AKAP6: variants seen among roughly 807,000 people sequenced by gnomAD.
AKAP6 encodes A-kinase anchor protein 6.
In AKAP6, 58 loss-of-function variants were observed where a neutral mutation model predicts 188.5. The observed-to-expected ratio is 0.31, with a 90% CI of 0.25 to 0.38. The LOEUF (loss-of-function observed/expected upper bound fraction) is 0.38, where lower values mean the gene tolerates loss of function less well. Among genes scored for constraint, AKAP6 ranks in the 10% least tolerant of loss-of-function variants. The pLI, the probability that AKAP6 is intolerant of heterozygous loss-of-function variation, is 1.00. For synonymous variants in AKAP6, 989 were observed against 998.6 expected, an observed-to-expected ratio of 0.99 and a Z score of 0.18; for missense variants, 2,710 against 2,740.0, an observed-to-expected ratio of 0.99 and a Z score of 0.24.
At chr14:32,786,251 T>C (rs2033398001) in intron 12 of AKAP6, among the ~76,000 whole-genome samples, 2 of 149,496 alleles carry the variant, frequency 1.3e-5, no homozygotes, top group Admixed American at 6.7e-5. Context: ...ATCTGTAAAA[T>C]ACTCATTTCA....
At chr14:32,525,199 A>G (rs541896267) in intron 2 of AKAP6, among the ~76,000 whole-genome samples, 1 of 152,216 alleles carries the variant, frequency 6.6e-6, no homozygotes, top group Non-Finnish European at 1.5e-5. Flanking sequence ...TTGCTTAGAA[A>G]AACAATTTCT....
At chr14:32,815,047 C>T (rs2034343449) in intron 12 of AKAP6, among the ~76,000 whole-genome samples, 1 of 152,208 alleles carries the variant, frequency 6.6e-6, no homozygotes, top group Admixed American at 6.5e-5. Flanking sequence ...TCCCTTTTGT[C>T]CCTGATCCCT....
At chr14:32,664,809 C>G (rs146088347) in intron 7 of AKAP6, among the ~76,000 whole-genome samples, 1 of 152,062 alleles carries the variant, frequency 6.6e-6, no homozygotes, top group African/African-American at 2.4e-5. Context: ...GTCTGAGATC[C>G]AGACCCCTAG....
At chr14:32,685,547 AC>A (rs1370720802) in intron 8 of AKAP6, among the ~76,000 whole-genome samples, 1 of 151,534 alleles carries the variant, frequency 6.6e-6, no homozygotes, top group Non-Finnish European at 1.5e-5. Context: ...ACATGGTGAA[AC>A]CCCATCTCTA....
At position 32,822,337 on chromosome 14, in the gene AKAP6, A is replaced by G. The variant is rs1296462518; in HGVS notation, c.4524A>G (p.Ser1508=). ...LLRGFYFDKK[S]CKSKHQTTEL... ...GTGGTTTTTATTTTGATAAAAAATC[A>G]TGCAAATCTAAACATCAGACTACAG... Residue 1508 remains serine, a synonymous_variant, in exon 13 of 14, where the codon TCA becomes TCG. Transcript: ENST00000280979. 4 of 1,613,990 alleles carry G rather than the reference A, an allele frequency of 2.5e-6. No individual in the cohort carries two copies. In the African/African-American group the frequency reaches 4.0e-5, roughly 16 times the overall value.
At chr14:32,486,509 T>A (rs1308247290) in intron 2 of AKAP6, among the ~76,000 whole-genome samples, 1 of 152,214 alleles carries the variant, frequency 6.6e-6, no homozygotes, top group Non-Finnish European at 1.5e-5. Flanking sequence ...TGGTTTGTAG[T>A]TCTCCTTGAA....
At chr14:32,591,900 A>T (rs1885503761) in intron 5 of AKAP6, among the ~76,000 whole-genome samples, 1 of 152,200 alleles carries the variant, frequency 6.6e-6, no homozygotes. Flanking sequence ...TAAGTACCAC[A>T]TGATGAGAGG....
At chr14:32,394,652 A>T (rs928808474) in intron 1 of AKAP6, among the ~76,000 whole-genome samples, 1 of 152,174 alleles carries the variant, frequency 6.6e-6, no homozygotes, top group African/African-American at 2.4e-5. Flanking sequence ...ACACTCATAC[A>T]GTTACTTCTG....
rs1349811144 is a variant in AKAP6, at chr14:32,829,875, C to A, written c.*70C>A. On this transcript the variant is annotated 3_prime_UTR_variant, in exon 14 of 14. Transcript: ENST00000280979. ...ACGCCTGGCTGCAACTCAGGGGTGG[C>A]CTCATCCTCCCGCCCTGGGCTGGCC... 1.4e-6 allele frequency: 1 copy of A among 702,412 alleles called. No individual in the cohort carries two copies. The highest frequency in any genetic ancestry group is 2.6e-6 in the Non-Finnish European group (1 of 384,620). The allele number at this position is 702,412 out of a possible 1,614,324, so 43.5% of individuals were successfully genotyped here.
At chr14:32,708,872 A>G (rs192869607) in intron 9 of AKAP6, among the ~76,000 whole-genome samples, 238 of 152,020 alleles carry the variant, frequency 1.6e-3, no homozygotes, top group African/African-American at 5.5e-3. Flanking sequence ...CATGATAAAC[A>G]TTCCTGTCTG....
At chr14:32,420,909 T>TTGTGTGTGTG (rs71432053) in intron 1 of AKAP6, among the ~76,000 whole-genome samples, 2,461 of 146,472 alleles carry the variant, frequency 0.017, 26 homozygotes, top group East Asian at 0.031. Flanking sequence ...GGAGATTGAT[T>TTGTGTGTGTG]TGTGTGTGTG....
intron 7 of AKAP6, among the ~76,000 whole-genome samples, chr14:32,642,970 A>G (rs1172022502): frequency 6.6e-6 from 1 of 152,180 alleles, no homozygotes; most frequent in African/African-American, 2.4e-5. Context: ...ATAGTATTAG[A>G]ATGTTTTCAT....
At chr14:32,346,951 C>T (rs1887087553) in intron 1 of AKAP6, among the ~76,000 whole-genome samples, 1 of 152,154 alleles carries the variant, frequency 6.6e-6, no homozygotes, top group East Asian at 1.9e-4. Flanking sequence ...TGAATTCAAG[C>T]CTTAGACCAA....
intron 12 of AKAP6, among the ~76,000 whole-genome samples, chr14:32,789,064 A>T (rs1037250315): frequency 3.3e-5 from 5 of 151,822 alleles, no homozygotes; most frequent in African/African-American, 1.2e-4. Flanking sequence ...CGTATGAACA[A>T]GGAAGGGTCC....
At chr14:32,684,027 A>C (rs138250359) in intron 8 of AKAP6, among the ~76,000 whole-genome samples, 2 of 152,330 alleles carry the variant, frequency 1.3e-5, no homozygotes, top group East Asian at 3.9e-4. Flanking sequence ...CAGATGTGGC[A>C]TTCACTGAGG....
At chr14:32,452,860 A>C (rs903417381) in intron 2 of AKAP6, among the ~76,000 whole-genome samples, 6 of 152,200 alleles carry the variant, frequency 3.9e-5, no homozygotes, top group Non-Finnish European at 8.8e-5. Flanking sequence ...TCTACCATTT[A>C]CCTTACTAGG....
chr14:32,489,985 G>A (rs1011045824), intron 2 of AKAP6, among the ~76,000 whole-genome samples: 1 of 152,150 alleles, frequency 6.6e-6, no homozygotes, highest in Non-Finnish European at 1.5e-5. Flanking sequence ...TTTGGGATAG[G>A]CAGTGGAGTT....
rs972625545 is a variant in AKAP6, at chr14:32,702,711, C to T, written c.3000+6601C>T. Among the ~76,000 whole-genome samples, 11 of 152,166 alleles carry T rather than the reference C, an allele frequency of 7.2e-5. 1 individual carries two copies. Among genetic ancestry groups the T allele is most frequent in the Non-Finnish European group, 1.3e-4 (9 of 68,038 alleles). On this transcript the variant is annotated intron_variant, in intron 9 of 13. Transcript: ENST00000280979. ...TGGCTCTCTGGGCTGGCCTCTGAGG[C>T]ATTGTGCTGCTCCCTCTCTCCCTGG...
intron 7 of AKAP6, among the ~76,000 whole-genome samples, chr14:32,654,997 G>T (rs1888397458): frequency 6.6e-6 from 1 of 152,098 alleles, no homozygotes; most frequent in African/African-American, 2.4e-5. Context: ...CACAATTTTT[G>T]GGTGGTAAAA....
Sources: allele counts gnomAD v4.1 joint callset (sites outside exome capture counted in the v4.1 genomes callset), GRCh38; gene constraint gnomAD v4.1.1; transcripts MANE v1.5; gene names NCBI Gene and HGNC (gene_info 2026-07-23, HGNC 2026-07-21).